The following PAX4 variants were observed in gnomAD, a reference collection of about 807,000 sequenced individuals.
PAX4 encodes the protein paired box protein Pax-4.
A neutral mutation model predicts 40.6 loss-of-function variants in PAX4; 33 were observed. The observed-to-expected ratio is 0.81, with a 90% CI of 0.62 to 1.09. The LOEUF is 1.09. PAX4 is among the 50% of genes least tolerant of loss of function. The probability of loss-of-function intolerance (pLI) is 0.00; values close to 1 mark genes in which losing one functional copy is unlikely to be tolerated. For missense variants in PAX4, 459 were observed against 442.5 expected, an observed-to-expected ratio of 1.04 and a Z score of -0.33; for synonymous variants, 174 against 170.6, an observed-to-expected ratio of 1.02 and a Z score of -0.16.
At position 127,611,762 on chromosome 7, in the gene PAX4, C is replaced by T. The variant is rs998792136; in HGVS notation, c.772-86G>A. 9.4e-6 allele frequency: 15 copies of T among 1,601,892 alleles called. No homozygotes were observed. In the African/African-American group the frequency reaches 1.9e-4, roughly 20 times the overall value. Reference sequence around the variant, plus strand: ...CGGGACCCCAGAGCTGCCTGCCACCCAAGTAGTATCCTGCACAACTCCAGA... The same window carrying T: ...CGGGACCCCAGAGCTGCCTGCCACCTAAGTAGTATCCTGCACAACTCCAGA... On this transcript the variant is annotated intron_variant, in intron 10 of 11. Coordinates refer to ENST00000639438, the MANE Select transcript of PAX4 (RefSeq NM_001366110.1).
At position 127,618,110 on chromosome 7, in the gene PAX4, G is replaced by C. The variant is rs370467107; in HGVS notation, c.-374C>G. On this transcript the variant is annotated 5_prime_UTR_variant, in exon 1 of 12. Transcript: ENST00000639438. Reference sequence around the variant, plus strand: ...CTGCCAGGGGGTCCAGAGCTATAGAGAGCCCGTGCTCAAGAGCAGAGGGCA... The same window carrying C: ...CTGCCAGGGGGTCCAGAGCTATAGACAGCCCGTGCTCAAGAGCAGAGGGCA... The C allele has an allele frequency of 3.3e-5, 5 of 152,590 alleles. No homozygotes were observed. Among genetic ancestry groups the C allele is most frequent in the South Asian group, 4.1e-4 (2 of 4,828 alleles). The allele number at this position is 152,590 out of a possible 1,614,324, so 9.5% of individuals were successfully genotyped here.
At chr7:127,614,429 A>C (rs1313703655) in intron 6 of PAX4, 53 bp downstream of exon 6, 35 of 1,387,716 alleles carry the variant, frequency 2.5e-5, no homozygotes, top group Middle Eastern at 1.9e-4. Flanking sequence ...TGAGAACTAT[A>C]AAATGCTAGA....
Position 127,611,557 on chromosome 7 carries a change from T to G in PAX4, c.891A>C (p.Lys297Asn). The G allele has an allele frequency of 2.5e-6, 4 of 1,613,644 alleles. No homozygotes were observed. The highest frequency in any genetic ancestry group is 1.7e-5 in the Admixed American group (1 of 60,006). ...PERCLSDTPP[K>N]ACLKPCWGHL... ...TACCCCAGCAGGGCTTGAGACAGGC[T>G]TTAGGTGGGGTGTCACTCAGACACC... Residue 297 changes from lysine (K) to asparagine (N), a missense_variant, in exon 11 of 12, where the codon AAA becomes AAC. Transcript: ENST00000639438.
intron 5 of PAX4, 38 bp from the exon 6 acceptor site, chr7:127,614,595 C>T: frequency 6.6e-7 from 1 of 1,509,952 alleles, no homozygotes; most frequent in African/African-American, 1.4e-5. Context: ...AGATGGTGCT[C>T]AGACTCAGGG....
chr7:127,615,594 G>C (rs1794712241), intron 3 of PAX4, 63 bp from the exon 4 acceptor site: 2 of 1,610,380 alleles, frequency 1.2e-6, no homozygotes, highest in Non-Finnish European at 1.7e-6. Flanking sequence ...CCTGTGGAGA[G>C]GGTCACTCAG....
intron 3 of PAX4, 130 bp downstream of exon 3, chr7:127,615,786 G>A (rs1794716081): frequency 4.0e-6 from 6 of 1,517,920 alleles, no homozygotes; most frequent in Non-Finnish European, 5.3e-6. Flanking sequence ...GGCAGGAAGG[G>A]AGGGACTGGA....
intron 3 of PAX4, 179 bp downstream of exon 3, chr7:127,615,737 A>T (rs890883135): frequency 1.3e-5 from 20 of 1,498,602 alleles, no homozygotes; most frequent in Middle Eastern, 1.8e-4. Context: ...TTCCTTGCCC[A>T]TACCCGCCAA....
intron 5 of PAX4, 126 bp from the exon 6 acceptor site, chr7:127,614,683 CCTCT>C: frequency 4.6e-6 from 5 of 1,075,908 alleles, no homozygotes; most frequent in Non-Finnish European, 6.9e-6. Flanking sequence ...AGGGCAGCCT[CCTCT>C]CTCTCTCTCT....
At position 127,615,961 on chromosome 7, in the gene PAX4, CTCCAGCTGGGAAGGCTGGGAAGGGAAGT is replaced by C. The variant is rs1382745617; in HGVS notation, c.-61_-34del. The C allele has an allele frequency of 2.0e-6, 3 of 1,535,982 alleles. No individual in the cohort carries two copies. The highest frequency in any genetic ancestry group is 2.6e-6 in the Non-Finnish European group (3 of 1,146,848). On this transcript the variant is annotated 5_prime_UTR_variant, in exon 3 of 12. Coordinates refer to ENST00000639438, the MANE Select transcript of PAX4 (RefSeq NM_001366110.1). ...GCTGACCCTCCTCAGAAGGATGAGACTCCAGCTGGGAAGGCTGGGAAGGGAAGTTCCTTCTAGGAGCTCCTTTTCCAGC... is the reference window on the plus strand; with the variant it reads ...GCTGACCCTCCTCAGAAGGATGAGACTCCTTCTAGGAGCTCCTTTTCCAGC...
At chr7:127,612,572 T>G (rs1794648808) in intron 9 of PAX4, among the ~76,000 whole-genome samples, 1 of 149,904 alleles carries the variant, frequency 6.7e-6, no homozygotes, top group Non-Finnish European at 1.5e-5. Context: ...GCTGGATGGA[T>G]GGATAGATGG....
In PAX4 at chr7:127,615,117, G is replaced by A. The variant is rs750974972; in HGVS notation, c.145-22C>T. On this transcript the variant is annotated intron_variant, in intron 4 of 11. Coordinates refer to ENST00000639438, the MANE Select transcript of PAX4 (RefSeq NM_001366110.1). Reference sequence around the variant, plus strand: ...ATACCTGAGTCAGGTGAGAAGCAGGGACAGGTGAGGCATGATGGGCAGAAG... The same window carrying A: ...ATACCTGAGTCAGGTGAGAAGCAGGAACAGGTGAGGCATGATGGGCAGAAG... 8 of 1,614,010 alleles carry A rather than the reference G, an allele frequency of 5.0e-6. No individual in the cohort carries two copies. In the South Asian group the frequency reaches 8.8e-5, roughly 18 times the overall value.
intron 6 of PAX4, among the ~76,000 whole-genome samples, chr7:127,614,237 C>G (rs1794684931): frequency 6.6e-6 from 1 of 152,024 alleles, no homozygotes; most frequent in Non-Finnish European, 1.5e-5. Flanking sequence ...CCTGTGAACC[C>G]AGGGGCTAGG....
chr7:127,610,988 G>C lies in PAX4; in HGVS notation c.*76C>G, dbSNP rs750647185. 4 of 1,553,562 alleles carry C rather than the reference G, an allele frequency of 2.6e-6. No individual in the cohort carries two copies. The highest frequency in any genetic ancestry group is 3.5e-6 in the Non-Finnish European group (4 of 1,148,020). On this transcript the variant is annotated 3_prime_UTR_variant, in exon 12 of 12. Coordinates refer to ENST00000639438, the MANE Select transcript of PAX4 (RefSeq NM_001366110.1). ...AGGAAGGAGGAAGGAGCCACAGTCT[G>C]TATGGGCAGGACGGTAAGGACAATG...
At chr7:127,614,028 G>A (rs1794682072) in intron 6 of PAX4, 147 bp from the exon 7 acceptor site, 1 of 897,774 alleles carries the variant, frequency 1.1e-6, no homozygotes, top group Non-Finnish European at 1.7e-6. Context: ...GTTATTAGAG[G>A]TCACTGCAGG....
Position 127,613,096 on chromosome 7 carries a change from G to A in PAX4, c.646-5C>T. On this transcript the variant is annotated splice_polypyrimidine_tract_variant and splice_region_variant and intron_variant, in intron 8 of 11. Transcript: ENST00000639438. Reference sequence around the variant, plus strand: ...TCTTCTGTTGGAAAACCAGACCTGAGCGAGGACAGGGACAATGCAGCTGGC... The same window carrying A: ...TCTTCTGTTGGAAAACCAGACCTGAACGAGGACAGGGACAATGCAGCTGGC... 2 of 1,612,496 alleles carry A rather than the reference G, an allele frequency of 1.2e-6. No homozygotes were observed. The highest frequency in any genetic ancestry group is 1.7e-5 in the Admixed American group (1 of 60,022).
rs564077493 is a variant in PAX4, at chr7:127,613,005, T to C, written c.715+17A>G. The C allele has an allele frequency of 6.2e-7, 1 of 1,601,392 alleles. No individual in the cohort carries two copies. Among genetic ancestry groups the C allele is most frequent in the South Asian group, 1.1e-5 (1 of 90,770 alleles). ...GATGACTGAGCGGGCAGATGGATGA[T>C]GGTGCAGAGAAATCACCTGGCAGCT... On this transcript the variant is annotated intron_variant, in intron 9 of 11. Transcript: ENST00000639438.
intron 2 of PAX4, among the ~76,000 whole-genome samples, chr7:127,616,455 G>A (rs1293786402): frequency 6.6e-5 from 10 of 152,148 alleles, no homozygotes; most frequent in Non-Finnish European, 1.0e-4. Context: ...TTCACTATTA[G>A]GCAGTCCTCG....
chr7:127,613,853 G>C lies in PAX4; in HGVS notation c.465C>G (p.Pro155=). The C allele has an allele frequency of 6.2e-7, 1 of 1,614,028 alleles. No individual in the cohort carries two copies. Among genetic ancestry groups the C allele is most frequent in the Non-Finnish European group, 8.5e-7 (1 of 1,179,996 alleles). Residue 155 remains proline, a synonymous_variant, in exon 7 of 12, where the codon CCC becomes CCG. Transcript: ENST00000639438. ...CCCGGGGAGTCTCAGAGCCACTATG[G>C]GGAGTGAGGACAGCTGGAGCCAAAA... ...PAVLAPAVLT[P]HSGSETPRGT... is the part of the protein sequence containing the mutation.
chr7:127,610,661 C>T lies in PAX4; in HGVS notation c.*403G>A, dbSNP rs1794606512. 1 of 591,874 alleles carries T rather than the reference C, an allele frequency of 1.7e-6. No homozygotes were observed. Among genetic ancestry groups the T allele is most frequent in the East Asian group, 2.8e-5 (1 of 35,626 alleles). 36.7% of individuals were successfully genotyped at this position (591,874 alleles called of 1,614,324 possible). A position where few individuals can be genotyped will look rare whatever the true frequency, so the allele number is the denominator to read the frequency against. ...CATTGACAAATACATTGTTTAGATA[C>T]ATGTATTGCCTACATACATGCATAG... On this transcript the variant is annotated 3_prime_UTR_variant, in exon 12 of 12. Transcript: ENST00000639438.
Sources: allele counts gnomAD v4.1 joint callset (sites outside exome capture counted in the v4.1 genomes callset), GRCh38; gene constraint gnomAD v4.1.1; transcripts MANE v1.5; gene names NCBI Gene and HGNC (gene_info 2026-07-23, HGNC 2026-07-21).